THRB: variants seen among roughly 807,000 people sequenced by gnomAD.
THRB encodes the protein thyroid hormone receptor beta.
A neutral mutation model predicts 47.8 loss-of-function variants in THRB; 12 were observed. The observed-to-expected ratio is 0.25, with a 90% CI of 0.16 to 0.41. THRB has a LOEUF of 0.41. Ranked by LOEUF, THRB falls within the 10% of genes least tolerant of loss-of-function variation. The pLI is 1.00. For synonymous variants in THRB, 218 were observed against 212.2 expected (o/e 1.03, Z -0.24); for missense variants, 348 against 589.2 (o/e 0.59, Z 4.24).
intron 9 of THRB, 61 bp from the exon 10 acceptor site, chr3:24,127,818 A>C (rs746507296): frequency 8.3e-6 from 13 of 1,566,230 alleles, no homozygotes; most frequent in Non-Finnish European, 1.1e-5. Context: ...CAGGAACAAC[A>C]TACAGTATCT....
intron 4 of THRB, among the ~76,000 whole-genome samples, chr3:24,194,963 T>C (rs888068768): frequency 1.3e-5 from 2 of 152,196 alleles, no homozygotes; most frequent in South Asian, 2.1e-4. Flanking sequence ...TAATATTAGG[T>C]ACTGAGACTG....
At chr3:24,487,062 G>A (rs528858536) in intron 1 of THRB, among the ~76,000 whole-genome samples, 21 of 151,992 alleles carry the variant, frequency 1.4e-4, no homozygotes, top group Admixed American at 3.9e-4. Context: ...GTTTTCAAAG[G>A]GACAGAAATT....
chr3:24,334,447 T>C (rs1366650861), intron 2 of THRB, among the ~76,000 whole-genome samples: 1 of 152,206 alleles, frequency 6.6e-6, no homozygotes, highest in Non-Finnish European at 1.5e-5. Flanking sequence ...GTTAAAGTAA[T>C]GCATGACAAA....
At chr3:24,317,017 C>T (rs949680723) in intron 2 of THRB, among the ~76,000 whole-genome samples, 1 of 152,168 alleles carries the variant, frequency 6.6e-6, no homozygotes, top group Admixed American at 6.5e-5. Flanking sequence ...ATCTGTCTCC[C>T]CAAATCGGTT....
At chr3:24,476,548 C>A (rs893157731) in intron 1 of THRB, among the ~76,000 whole-genome samples, 78 of 151,942 alleles carry the variant, frequency 5.1e-4, no homozygotes, top group Non-Finnish European at 1.5e-4. Context: ...ATTAAAATTC[C>A]AAAAAATTAG....
At chr3:24,394,448 G>A (rs2066802300) in intron 1 of THRB, among the ~76,000 whole-genome samples, 1 of 152,052 alleles carries the variant, frequency 6.6e-6, no homozygotes, top group East Asian at 1.9e-4. Flanking sequence ...ACTTCCTGGG[G>A]AACTGTTTCT....
intron 3 of THRB, among the ~76,000 whole-genome samples, chr3:24,269,280 CACA>C (rs1469841267): frequency 0.012 from 75 of 6,252 alleles, no homozygotes; most frequent in African/African-American, 0.033. Context: ...GGATACACCA[CACA>C]CACACACACA....
chr3:24,325,870 T>C (rs1465503078), intron 2 of THRB, among the ~76,000 whole-genome samples: 2 of 152,194 alleles, frequency 1.3e-5, no homozygotes, highest in Non-Finnish European at 2.9e-5. Context: ...CCAGAAATGA[T>C]ACCAAATTGC....
At chr3:24,210,169 A>G (rs1432795145) in intron 4 of THRB, among the ~76,000 whole-genome samples, 2 of 152,156 alleles carry the variant, frequency 1.3e-5, no homozygotes, top group Admixed American at 6.5e-5. Context: ...AGAATTGGCA[A>G]TTTGCTTCCT....
chr3:24,237,587 C>T (rs1333516775), intron 3 of THRB, among the ~76,000 whole-genome samples: 1 of 152,098 alleles, frequency 6.6e-6, no homozygotes, highest in Non-Finnish European at 1.5e-5. Flanking sequence ...GACAAAGTCA[C>T]CATGGCATGT....
chr3:24,202,059 G>T (rs1575819689), intron 4 of THRB, among the ~76,000 whole-genome samples: 1 of 152,284 alleles, frequency 6.6e-6, no homozygotes, highest in Admixed American at 6.5e-5. Context: ...GACAAAATCA[G>T]AATCCAGGCC....
At chr3:24,446,891 T>G (rs1260021021) in intron 1 of THRB, among the ~76,000 whole-genome samples, 1 of 152,194 alleles carries the variant, frequency 6.6e-6, no homozygotes, top group African/African-American at 2.4e-5. Flanking sequence ...GAGCTTATCC[T>G]GCAATATTTG....
chr3:24,293,040 T>G (rs1206135825), intron 3 of THRB, among the ~76,000 whole-genome samples: 2 of 152,228 alleles, frequency 1.3e-5, no homozygotes, highest in East Asian at 3.8e-4. Context: ...TGCTCATAAT[T>G]TTTTGCACCT....
intron 4 of THRB, among the ~76,000 whole-genome samples, chr3:24,228,632 CAAAGAAAAAA>C (rs1446652390): frequency 1.0e-4 from 6 of 59,198 alleles, no homozygotes; most frequent in Non-Finnish European, 2.0e-4. Flanking sequence ...GACCATGTCT[CAAAGAAAAAA>C]AAAAAAAAAA....
intron 4 of THRB, among the ~76,000 whole-genome samples, chr3:24,204,887 G>A (rs1354862623): frequency 6.6e-6 from 1 of 152,154 alleles, no homozygotes; most frequent in Admixed American, 6.5e-5. Context: ...TCGATCAACT[G>A]GAAGAAAGGG....
intron 5 of THRB, among the ~76,000 whole-genome samples, chr3:24,168,854 G>A (rs1463336594): frequency 6.6e-6 from 1 of 151,852 alleles, no homozygotes; most frequent in Non-Finnish European, 1.5e-5. Context: ...ACAAGGAGAA[G>A]TGTAATAAAC....
At chr3:24,178,258 T>A (rs925868616) in intron 5 of THRB, among the ~76,000 whole-genome samples, 2 of 152,210 alleles carry the variant, frequency 1.3e-5, no homozygotes, top group African/African-American at 2.4e-5. Flanking sequence ...ATAATTAAAT[T>A]CAAAATTTTA....
At chr3:24,492,035 T>A (rs929458548) in intron 1 of THRB, among the ~76,000 whole-genome samples, 3 of 152,202 alleles carry the variant, frequency 2.0e-5, no homozygotes, top group African/African-American at 7.2e-5. Flanking sequence ...CATATAAGCA[T>A]GGAATGTGTG....
chr3:24,212,243 A>C (rs1175635930), intron 4 of THRB, among the ~76,000 whole-genome samples: 1 of 152,062 alleles, frequency 6.6e-6, no homozygotes, highest in African/African-American at 2.4e-5. Flanking sequence ...CTAAAAATAC[A>C]AAAAATTAGC....
Sources: gnomAD v4.1 joint callset for allele counts (sites outside exome capture counted in the v4.1 genomes callset) on GRCh38, gnomAD v4.1.1 for gene constraint, MANE v1.5 for transcripts, NCBI Gene and HGNC (gene_info 2026-07-23, HGNC 2026-07-21) for gene names.